The following ZNF470 variants were observed in gnomAD, a reference collection of about 807,000 sequenced individuals.
ZNF470 encodes the protein chondrogenesis zinc finger protein 1.
In ZNF470, 13 loss-of-function variants were observed where a neutral mutation model predicts 13.9. The observed-to-expected ratio is 0.94, with a 90% CI of 0.61 to 1.49. The LOEUF (loss-of-function observed/expected upper bound fraction) is 1.49, where lower values mean the gene tolerates loss of function less well. Ranked by LOEUF, ZNF470 falls within the 40% of genes most tolerant of loss-of-function variation. The probability of loss-of-function intolerance (pLI) is 0.00; values close to 1 mark genes in which losing one functional copy is unlikely to be tolerated. For synonymous variants in ZNF470, 293 were observed against 282.9 expected, an observed-to-expected ratio of 1.04 and a Z score of -0.36; for missense variants, 929 against 857.3, an observed-to-expected ratio of 1.08 and a Z score of -1.04.
Position 56,580,519 on chromosome 19 carries a change from C to G in ZNF470, c.*1936C>G, listed in dbSNP as rs537135109. 3.5e-4 allele frequency: 54 copies of G among 152,282 alleles called. No individual in the cohort carries two copies. The highest frequency in any genetic ancestry group is 1.3e-3 in the African/African-American group (52 of 41,510). The allele number at this position is 152,282 out of a possible 1,614,324, so 9.4% of individuals were successfully genotyped here. ...CACGGAGTTGTGCAACCATCACCAC[C>G]ATCAATTTTAGAACATTTTCATCAC... On this transcript the variant is annotated 3_prime_UTR_variant, in exon 6 of 6. Transcript: ENST00000330619.
chr19:56,571,664 A>G (rs1214171770), intron 3 of ZNF470, among the ~76,000 whole-genome samples: 1 of 151,220 alleles, frequency 6.6e-6, no homozygotes, highest in Non-Finnish European at 1.5e-5. Context: ...GCCAGAGTGC[A>G]GTAGTGCAAT....
Position 56,581,789 on chromosome 19 carries a change from A to C in ZNF470, c.*3206A>C. ...CCTTTTGAGTAACTGGCCATACCCT[A>C]CCATATGTTTTTGATGGACGTGGCC... On this transcript the variant is annotated 3_prime_UTR_variant, in exon 6 of 6. Coordinates refer to ENST00000330619, the MANE Select transcript of ZNF470 (RefSeq NM_001001668.4). 1.0e-6 allele frequency: 1 copy of C among 985,326 alleles called. No homozygotes were observed. The highest frequency in any genetic ancestry group is 1.2e-6 in the Non-Finnish European group (1 of 829,922). 61.0% of individuals were successfully genotyped at this position (985,326 alleles called of 1,614,324 possible). A position where few individuals can be genotyped will look rare whatever the true frequency, so the allele number is the denominator to read the frequency against.
intron 5 of ZNF470, among the ~76,000 whole-genome samples, chr19:56,575,527 C>T (rs766553726): frequency 5.3e-5 from 8 of 151,100 alleles, no homozygotes; most frequent in East Asian, 3.9e-4. Context: ...AGATAAGAGA[C>T]GACAGAAATA....
At chr19:56,574,152 T>G in intron 3 of ZNF470, 1 of 661,840 alleles carries the variant, frequency 1.5e-6, no homozygotes, top group Non-Finnish European at 2.4e-6. Context: ...TCTCGCCACC[T>G]AGAATTGCAA....
At position 56,567,911 on chromosome 19, in the gene ZNF470, T is replaced by C. The variant is rs1030123426; in HGVS notation, c.-286T>C. 2.1e-5 allele frequency: 21 copies of C among 983,466 alleles called. No homozygotes were observed. The highest frequency in any genetic ancestry group is 2.5e-5 in the Non-Finnish European group (21 of 829,572). The allele number at this position is 983,466 out of a possible 1,614,324, so 60.9% of individuals were successfully genotyped here. A position where few individuals can be genotyped will look rare whatever the true frequency, so the allele number is the denominator to read the frequency against. On this transcript the variant is annotated 5_prime_UTR_variant, in exon 1 of 6. Transcript: ENST00000330619. ...GGCAAAGTCCTAGAGCCCGGGGAAG[T>C]TGCCCGGGCGGGGCAGCCTCGGCTG...
In ZNF470 at chr19:56,567,760, C is replaced by T; in HGVS notation, c.-437C>T. ...CGAATCTGCGCCTGCGTGCATGGCC[C>T]GGCGGCGTGCGGAAGGCGGTGTGTG... is the stretch of plus-strand genomic sequence containing the variant. On this transcript the variant is annotated 5_prime_UTR_variant, in exon 1 of 6. Transcript: ENST00000330619. 1 of 987,296 alleles carries T rather than the reference C, an allele frequency of 1.0e-6. No homozygotes were observed. Among genetic ancestry groups the T allele is most frequent in the Non-Finnish European group, 1.2e-6 (1 of 831,364 alleles). 61.2% of individuals were successfully genotyped at this position (987,296 alleles called of 1,614,324 possible). A position where few individuals can be genotyped will look rare whatever the true frequency, so the allele number is the denominator to read the frequency against.
chr19:56,579,703 T>C lies in ZNF470; in HGVS notation c.*1120T>C. On this transcript the variant is annotated 3_prime_UTR_variant, in exon 6 of 6. Transcript: ENST00000330619. Reference sequence around the variant, plus strand: ...TAAAAATATGTACACTGCAATTAGTTTCTGAATGTAGATGTTACAACTTAA... The same window carrying C: ...TAAAAATATGTACACTGCAATTAGTCTCTGAATGTAGATGTTACAACTTAA... 1.0e-6 allele frequency: 1 copy of C among 985,072 alleles called. No individual in the cohort carries two copies. Among genetic ancestry groups the C allele is most frequent in the Non-Finnish European group, 1.2e-6 (1 of 829,602 alleles). 61.0% of individuals were successfully genotyped at this position (985,072 alleles called of 1,614,324 possible).
In ZNF470 at chr19:56,578,721, A is replaced by G. The variant is rs763655697; in HGVS notation, c.*138A>G. 42 of 1,307,600 alleles carry G rather than the reference A, an allele frequency of 3.2e-5. No homozygotes were observed. Among genetic ancestry groups the G allele is most frequent in the Non-Finnish European group, 3.4e-5 (35 of 1,027,864 alleles). The allele number at this position is 1,307,600 out of a possible 1,614,324, so 81.0% of individuals were successfully genotyped here. On this transcript the variant is annotated 3_prime_UTR_variant, in exon 6 of 6. Coordinates refer to ENST00000330619, the MANE Select transcript of ZNF470 (RefSeq NM_001001668.4). ...TGCCCCTTTTGCTTCTATCAACTAC[A>G]TGTTTAACACTGTAGGCAGCCTAAC...
At chr19:56,574,545 C>T in intron 4 of ZNF470, 25 bp downstream of exon 4, 1 of 1,612,552 alleles carries the variant, frequency 6.2e-7, no homozygotes. Flanking sequence ...CTCCTGTTGC[C>T]TCCCCATGAC....
chr19:56,581,290 T>G lies in ZNF470; in HGVS notation c.*2707T>G, dbSNP rs2044533699. 1 of 710,346 alleles carries G rather than the reference T, an allele frequency of 1.4e-6. No homozygotes were observed. Among genetic ancestry groups the G allele is most frequent in the African/African-American group, 1.9e-5 (1 of 51,602 alleles). The allele number at this position is 710,346 out of a possible 1,614,324, so 44.0% of individuals were successfully genotyped here. A position where few individuals can be genotyped will look rare whatever the true frequency, so the allele number is the denominator to read the frequency against. On this transcript the variant is annotated 3_prime_UTR_variant, in exon 6 of 6. Coordinates refer to ENST00000330619, the MANE Select transcript of ZNF470 (RefSeq NM_001001668.4). The stretch of plus-strand genomic sequence containing the variant: ...ATCAAGAAATGCAAATTAAAGTGAT[T>G]ATCTACTTTTTCCCCAAAAGACTGA...
At chr19:56,572,832 A>G (rs901704789) in intron 3 of ZNF470, among the ~76,000 whole-genome samples, 2 of 151,972 alleles carry the variant, frequency 1.3e-5, no homozygotes, top group African/African-American at 2.4e-5. Context: ...AAAGTTACTC[A>G]TAGGAAAGAA....
Position 56,581,423 on chromosome 19 carries a change from CT to C in ZNF470, c.*2842del. On this transcript the variant is annotated 3_prime_UTR_variant, in exon 6 of 6. Transcript: ENST00000330619. ...GTATATACCCTTTGAATTAATATTCCTTGGAAACCAACATATACAAAGGTAG... is the reference window on the plus strand; with the variant it reads ...GTATATACCCTTTGAATTAATATTCCTGGAAACCAACATATACAAAGGTAG... 1.0e-6 allele frequency: 1 copy of C among 967,174 alleles called. No homozygotes were observed. The highest frequency in any genetic ancestry group is 1.2e-6 in the Non-Finnish European group (1 of 813,460). The allele number at this position is 967,174 out of a possible 1,614,324, so 59.9% of individuals were successfully genotyped here. A position where few individuals can be genotyped will look rare whatever the true frequency, so the allele number is the denominator to read the frequency against.
In ZNF470 at chr19:56,578,809, ATATAT is replaced by A. The variant is rs1222983636; in HGVS notation, c.*229_*233del. 12 of 1,219,476 alleles carry A rather than the reference ATATAT, an allele frequency of 9.8e-6. No individual in the cohort carries two copies. Among genetic ancestry groups the A allele is most frequent in the East Asian group, 9.4e-5 (3 of 31,852 alleles). 75.5% of individuals were successfully genotyped at this position (1,219,476 alleles called of 1,614,324 possible). A position where few individuals can be genotyped will look rare whatever the true frequency, so the allele number is the denominator to read the frequency against. On this transcript the variant is annotated 3_prime_UTR_variant, in exon 6 of 6. Transcript: ENST00000330619. ...CCATTTAAAACACTTGATTTGAAAA[ATATAT>A]TAACTAATCCATTTCAAGGATTTAG...
rs752875449 is a variant in ZNF470 at position 56,578,507 on chromosome 19, CTCA to C, written c.2085_2087del (p.His695del). 20 of 1,605,138 alleles carry C rather than the reference CTCA, an allele frequency of 1.2e-5. No homozygotes were observed. Among genetic ancestry groups the C allele is most frequent in the Middle Eastern group, 3.3e-4 (2 of 6,024 alleles). On this transcript the variant is annotated inframe_deletion, in exon 6 of 6. Transcript: ENST00000330619. Reference sequence around the variant, plus strand: ...GCCTTCAGGCAGAGTGTACATCTTGCTCATCATCAGCGAATTCATACCGGAGAG... The same window carrying C: ...GCCTTCAGGCAGAGTGTACATCTTGCTCATCAGCGAATTCATACCGGAGAG...
chr19:56,568,106 G>A, intron 1 of ZNF470, 68 bp downstream of exon 1: 4 of 986,006 alleles, frequency 4.1e-6, no homozygotes, highest in Non-Finnish European at 4.8e-6. Flanking sequence ...TGTCTTTCGG[G>A]GTTCAGGTGC....
intron 5 of ZNF470, among the ~76,000 whole-genome samples, chr19:56,575,756 C>T (rs1177304151): frequency 6.6e-6 from 1 of 152,228 alleles, no homozygotes; most frequent in East Asian, 1.9e-4. Context: ...TACAGGAATG[C>T]ATCACCACAC....
Position 56,580,233 on chromosome 19 carries a change from C to A in ZNF470, c.*1650C>A. The A allele has an allele frequency of 2.4e-6, 2 of 850,696 alleles. No individual in the cohort carries two copies. Among genetic ancestry groups the A allele is most frequent in the Non-Finnish European group, 2.8e-6 (2 of 707,936 alleles). 52.7% of individuals were successfully genotyped at this position (850,696 alleles called of 1,614,324 possible). On this transcript the variant is annotated 3_prime_UTR_variant, in exon 6 of 6. Coordinates refer to ENST00000330619, the MANE Select transcript of ZNF470 (RefSeq NM_001001668.4). ...CATAATGAAAATAGTCATGATAGTC[C>A]CAAGGCAGATATTGTTTATGATGCT...
chr19:56,570,941 A>G (rs2044447624), intron 3 of ZNF470, among the ~76,000 whole-genome samples: 1 of 152,160 alleles, frequency 6.6e-6, no homozygotes, highest in African/African-American at 2.4e-5. Context: ...GAGGAAGTCT[A>G]CCGTATTTTA....
chr19:56,582,584 T>G lies in ZNF470; in HGVS notation c.*4001T>G, dbSNP rs920598819. 57 of 985,178 alleles carry G rather than the reference T, an allele frequency of 5.8e-5. No homozygotes were observed. The highest frequency in any genetic ancestry group is 6.9e-5 in the Non-Finnish European group (57 of 829,854). The allele number at this position is 985,178 out of a possible 1,614,324, so 61.0% of individuals were successfully genotyped here. On this transcript the variant is annotated 3_prime_UTR_variant, in exon 6 of 6. Coordinates refer to ENST00000330619, the MANE Select transcript of ZNF470 (RefSeq NM_001001668.4). ...ATGCTGGCCTCTACCACCACCAAAT[T>G]TACTTGTTGAAGTCCTAAACCCCAA...
Sources: gnomAD v4.1 joint callset for allele counts (sites outside exome capture counted in the v4.1 genomes callset) on GRCh38, gnomAD v4.1.1 for gene constraint, MANE v1.5 for transcripts, NCBI Gene and HGNC (gene_info 2026-07-23, HGNC 2026-07-21) for gene names.